The following FHIT variants were observed in gnomAD, a reference collection of about 807,000 sequenced individuals.
FHIT encodes the protein bis(5'-adenosyl)-triphosphatase.
Under a neutral mutation model 17.9 loss-of-function variants are expected in FHIT, and 19 were observed. The ratio of observed to expected loss-of-function variants is 1.06; its 90% CI spans 0.74 to 1.56. The LOEUF (loss-of-function observed/expected upper bound fraction) is 1.56. FHIT is among the 40% of genes most tolerant of loss of function. The pLI, the probability that FHIT is intolerant of heterozygous loss-of-function variation, is 0.00. For synonymous variants in FHIT, 81 were observed against 69.7 expected (o/e 1.16, Z -0.81); for missense variants, 248 against 189.2 (o/e 1.31, Z -1.82).
chr3:60,118,382 A>T (rs1705077714), intron 5 of FHIT, among the ~76,000 whole-genome samples: 1 of 151,444 alleles, frequency 6.6e-6, no homozygotes, highest in Admixed American at 6.6e-5. Context: ...CGCTGGGATT[A>T]TACGTGTGAG....
At chr3:59,995,197 A>C (rs369914049) in intron 7 of FHIT, among the ~76,000 whole-genome samples, 62 of 152,114 alleles carry the variant, frequency 4.1e-4, no homozygotes, top group African/African-American at 1.5e-3. Flanking sequence ...TGATGTAGGC[A>C]TTTAGAAAAA....
At chr3:60,285,955 C>T (rs1045955213) in intron 5 of FHIT, among the ~76,000 whole-genome samples, 2 of 152,108 alleles carry the variant, frequency 1.3e-5, no homozygotes, top group Admixed American at 1.3e-4. Flanking sequence ...AGCCACTCCA[C>T]GTGATTTGGC....
rs139529441 is a variant in FHIT at position 60,751,403 on chromosome 3, A to G, written c.-18+70516T>C. ...GATCCTTTCCAGATGCTTCTATGAG[A>G]ATCACATATATCCAGTATTTACAGA... On this transcript the variant is annotated intron_variant, in intron 4 of 9. Transcript: ENST00000492590. Among the ~76,000 whole-genome samples the G allele has an allele frequency of 5.2e-4, 79 of 152,324 alleles. 1 individual carries two copies. The highest frequency in any genetic ancestry group is 1.9e-3 in the African/African-American group (77 of 41,580).
At position 60,143,059 on chromosome 3, in the gene FHIT, G is replaced by A. The variant is rs540363155; in HGVS notation, c.104-128907C>T. On this transcript the variant is annotated intron_variant, in intron 5 of 9. Coordinates refer to ENST00000492590, the MANE Select transcript of FHIT (RefSeq NM_002012.4). ...ACACAAGAAAGAAAACTGGGTCTGCGGCACAATTTTCAATATTCGTGAGAT... is the reference window on the plus strand; with the variant it reads ...ACACAAGAAAGAAAACTGGGTCTGCAGCACAATTTTCAATATTCGTGAGAT... 6.2e-4 allele frequency among the ~76,000 whole-genome samples: 95 copies of A among 152,168 alleles called. 1 individual carries two copies. Among genetic ancestry groups the A allele is most frequent in the South Asian group, 5.8e-3 (28 of 4,814 alleles).
At chr3:60,356,309 GT>G (rs1217847123) in intron 5 of FHIT, among the ~76,000 whole-genome samples, 1 of 152,040 alleles carries the variant, frequency 6.6e-6, no homozygotes, top group Non-Finnish European at 1.5e-5. Flanking sequence ...TTCAACTGTG[GT>G]TTTTTTACTT....
chr3:60,739,300 G>T (rs925142892), intron 4 of FHIT, among the ~76,000 whole-genome samples: 6 of 152,220 alleles, frequency 3.9e-5, no homozygotes, highest in African/African-American at 1.4e-4. Context: ...GCACTGAGCT[G>T]GTTAACACTT....
chr3:60,558,211 T>C, intron 4 of FHIT, among the ~76,000 whole-genome samples: 1 of 151,968 alleles, frequency 6.6e-6, no homozygotes, highest in East Asian at 2.0e-4. Flanking sequence ...CTGCCCTACC[T>C]TTGTTCTCTA....
intron 2 of FHIT, among the ~76,000 whole-genome samples, chr3:61,183,991 G>C (rs1263781118): frequency 6.6e-6 from 1 of 151,848 alleles, no homozygotes; most frequent in African/African-American, 2.4e-5. Context: ...TTCTTTCTCA[G>C]TCTGAATCTC....
intron 7 of FHIT, among the ~76,000 whole-genome samples, chr3:59,946,705 G>A (rs572257280): frequency 6.6e-6 from 1 of 152,270 alleles, no homozygotes; most frequent in African/African-American, 2.4e-5. Flanking sequence ...CTAGTTTGTT[G>A]AGGATTTTTA....
chr3:60,137,239 C>A (rs1484758293), intron 5 of FHIT, among the ~76,000 whole-genome samples: 1 of 152,272 alleles, frequency 6.6e-6, no homozygotes, highest in African/African-American at 2.4e-5. Flanking sequence ...GATGCCAGAA[C>A]CACCTTGGAA....
chr3:59,851,600 T>A (rs751411555), intron 8 of FHIT, among the ~76,000 whole-genome samples: 15 of 152,190 alleles, frequency 9.9e-5, no homozygotes, highest in Non-Finnish European at 2.1e-4. Flanking sequence ...ATACTTAGCT[T>A]TGTTCTTAGT....
At chr3:60,487,554 G>T (rs1000510418) in intron 5 of FHIT, among the ~76,000 whole-genome samples, 2 of 152,162 alleles carry the variant, frequency 1.3e-5, no homozygotes, top group East Asian at 3.9e-4. Flanking sequence ...CTTTGGTGCA[G>T]CAATTAATAG....
rs1005018441 is a variant in FHIT at position 60,312,194 on chromosome 3, G to A, written c.103+224666C>T. On this transcript the variant is annotated intron_variant, in intron 5 of 9. Transcript: ENST00000492590. ...GGGGTAGCCCAGGCTGGAGTGCAGT[G>A]GCATGGTCATAGCTCACTATAACCT... Among the ~76,000 whole-genome samples, 4 of 152,082 alleles carry A rather than the reference G, an allele frequency of 2.6e-5. No individual in the cohort carries two copies. In the East Asian group the frequency reaches 7.7e-4, roughly 29 times the overall value.
chr3:60,366,745 G>A (rs979378737), intron 5 of FHIT, among the ~76,000 whole-genome samples: 1 of 152,148 alleles, frequency 6.6e-6, no homozygotes, highest in African/African-American at 2.4e-5. Context: ...AGAATCATGA[G>A]CTGTATAAAT....
intron 5 of FHIT, among the ~76,000 whole-genome samples, chr3:60,189,979 G>A (rs1702329904): frequency 2.0e-5 from 3 of 152,146 alleles, no homozygotes; most frequent in Non-Finnish European, 4.4e-5. Context: ...CTTTCCCTTA[G>A]GAACCCATCT....
chr3:60,487,574 T>A (rs1234695697), intron 5 of FHIT, among the ~76,000 whole-genome samples: 1 of 152,218 alleles, frequency 6.6e-6, no homozygotes, highest in Non-Finnish European at 1.5e-5. Context: ...GGTACAGTTA[T>A]GTATACTTCA....
chr3:60,172,002 C>T (rs1277571934), intron 5 of FHIT, among the ~76,000 whole-genome samples: 1 of 152,100 alleles, frequency 6.6e-6, no homozygotes, highest in Non-Finnish European at 1.5e-5. Flanking sequence ...GGTAGTGAAC[C>T]AATGCTGAGA....
intron 8 of FHIT, among the ~76,000 whole-genome samples, chr3:59,831,168 T>A (rs907116581): frequency 2.0e-5 from 3 of 152,194 alleles, no homozygotes; most frequent in African/African-American, 7.2e-5. Context: ...AGAGAAAGCA[T>A]TCAATGAATG....
intron 3 of FHIT, among the ~76,000 whole-genome samples, chr3:61,002,264 G>A (rs1425866371): frequency 6.6e-6 from 1 of 152,032 alleles, no homozygotes; most frequent in African/African-American, 2.4e-5. Context: ...TTGTACCCTG[G>A]TTTTTGCTTT....
Sources: gnomAD v4.1 joint callset for allele counts (sites outside exome capture counted in the v4.1 genomes callset) on GRCh38, gnomAD v4.1.1 for gene constraint, MANE v1.5 for transcripts, NCBI Gene and HGNC (gene_info 2026-07-23, HGNC 2026-07-21) for gene names.